The following TAF1A variants were observed in gnomAD, a reference collection of about 807,000 sequenced individuals.
The protein encoded by TAF1A is TATA-box binding protein associated factor, RNA polymerase I subunit A.
TAF1A carries 42 observed loss-of-function variants against 61.6 expected under a neutral mutation model. The ratio of observed to expected loss-of-function variants is 0.68; its 90% CI spans 0.53 to 0.88. The LOEUF is 0.88. TAF1A is among the 40% of genes least tolerant of loss of function. TAF1A has a pLI of 0.00. For missense variants in TAF1A, 424 were observed against 518.7 expected, an observed-to-expected ratio of 0.82 and a Z score of 1.77; for synonymous variants, 179 against 177.7, an observed-to-expected ratio of 1.01 and a Z score of -0.06.
intron 7 of TAF1A, among the ~76,000 whole-genome samples, chr1:222,566,289 C>T (rs73122837): frequency 0.13 from 20,007 of 152,174 alleles, 1,439 homozygotes; most frequent in Middle Eastern, 0.2. Flanking sequence ...CCACTTCACA[C>T]CCACTAGGAT....
At chr1:222,585,543 G>A (rs775682283) in intron 2 of TAF1A, among the ~76,000 whole-genome samples, 2 of 151,848 alleles carry the variant, frequency 1.3e-5, no homozygotes, top group African/African-American at 2.4e-5. Context: ...GACCTCCTGG[G>A]TTCAAGTGAT....
At chr1:222,557,897 T>G (rs988474698), downstream of TAF1A, 8 of 151,578 alleles carry the variant, frequency 5.3e-5, no homozygotes, top group Non-Finnish European at 8.8e-5. Flanking sequence ...TTTTTTTTTT[T>G]TTTTGAGACA....
At chr1:222,574,138 G>A (rs1390515416) in intron 5 of TAF1A, among the ~76,000 whole-genome samples, 1 of 151,954 alleles carries the variant, frequency 6.6e-6, no homozygotes, top group African/African-American at 2.4e-5. Flanking sequence ...GAGAGCACAG[G>A]GTTTCTTTTT....
chr1:222,566,494 G>A (rs1183527668), intron 7 of TAF1A, among the ~76,000 whole-genome samples: 1 of 152,174 alleles, frequency 6.6e-6, no homozygotes, highest in East Asian at 1.9e-4. Flanking sequence ...ATCAGTGAGA[G>A]CCCTTGTTTT....
intron 3 of TAF1A, among the ~76,000 whole-genome samples, chr1:222,583,516 A>G (rs1214470601): frequency 2.6e-5 from 4 of 152,096 alleles, no homozygotes; most frequent in Admixed American, 2.6e-4. Flanking sequence ...AGTATAGTCT[A>G]TGGGGGAAGT....
chr1:222,572,246 A>C (rs2102655279), intron 5 of TAF1A, among the ~76,000 whole-genome samples: 1 of 152,156 alleles, frequency 6.6e-6, no homozygotes, highest in African/African-American at 2.4e-5. Flanking sequence ...AAGTACTACA[A>C]AGCTGTAGTA....
At chr1:222,564,880 A>T (rs911650213) in intron 7 of TAF1A, among the ~76,000 whole-genome samples, 5 of 152,234 alleles carry the variant, frequency 3.3e-5, no homozygotes, top group Admixed American at 1.3e-4. Context: ...ATCAATCAAG[A>T]TCAATACACC....
At chr1:222,585,932 T>G (rs1660997660) in intron 2 of TAF1A, among the ~76,000 whole-genome samples, 1 of 152,234 alleles carries the variant, frequency 6.6e-6, no homozygotes, top group African/African-American at 2.4e-5. Flanking sequence ...CTGGAAATTT[T>G]ATCTCTTGCA....
intron 3 of TAF1A, among the ~76,000 whole-genome samples, chr1:222,580,506 T>A (rs1660744796): frequency 1.3e-5 from 2 of 152,136 alleles, no homozygotes; most frequent in South Asian, 4.1e-4. Context: ...AATACCAACT[T>A]CAAAGTAAAT....
At chr1:222,557,949 T>C (rs1433028125), downstream of TAF1A, 1 of 148,552 alleles carries the variant, frequency 6.7e-6, no homozygotes, top group Non-Finnish European at 1.5e-5. Context: ...GGTGGTGCAA[T>C]CTCGGCTCAC....
chr1:222,586,244 G>A (rs555362396), intron 2 of TAF1A, among the ~76,000 whole-genome samples: 1 of 152,110 alleles, frequency 6.6e-6, no homozygotes, highest in Non-Finnish European at 1.5e-5. Context: ...AAAGCTGCTC[G>A]GCATCAGTGG....
At chr1:222,578,567 G>A (rs780194669) in intron 4 of TAF1A, among the ~76,000 whole-genome samples, 1 of 152,180 alleles carries the variant, frequency 6.6e-6, no homozygotes, top group Non-Finnish European at 1.5e-5. Flanking sequence ...GCCATGCAGG[G>A]CTGCCCTTTC....
chr1:222,579,846 A>C lies in TAF1A; in HGVS notation c.318T>G (p.Ile106Met). Reference protein sequence around the residue: ...PEIIWKLGSEILFYHPKSNME... With the variant: ...PEIIWKLGSEMLFYHPKSNME... ...TGTTGCTTTTGGGATGATAAAATAG[A>C]ATTTCACTTCCGAGCTTCCAAATAA... The change falls in exon 4 of 11, where the codon ATT becomes ATG. Residue 106 changes from isoleucine (I) to methionine (M), a missense_variant. Ile to Met is a conservative substitution (Grantham distance 10). Coordinates refer to ENST00000352967, the MANE Select transcript of TAF1A (RefSeq NM_005681.4). The C allele has an allele frequency of 6.2e-7, 1 of 1,606,902 alleles. No individual in the cohort carries two copies.
At chr1:222,571,074 C>T (rs1190648941) in intron 5 of TAF1A, among the ~76,000 whole-genome samples, 1 of 152,024 alleles carries the variant, frequency 6.6e-6, no homozygotes, top group African/African-American at 2.4e-5. Context: ...TCAATTAATG[C>T]AAATAATAAA....
chr1:222,569,227 T>C, intron 7 of TAF1A: 1 of 1,228,436 alleles, frequency 8.1e-7, no homozygotes, highest in Non-Finnish European at 1.0e-6. Flanking sequence ...AAAACTAAAT[T>C]TCAATAAAGT....
chr1:222,577,777 T>G, intron 4 of TAF1A, 134 bp from the exon 5 acceptor site: 1 of 733,688 alleles, frequency 1.4e-6, no homozygotes, highest in East Asian at 2.6e-5. Context: ...AAAATTTTGA[T>G]GTTGGGTACA....
chr1:222,571,874 A>C (rs1286652398), intron 5 of TAF1A, among the ~76,000 whole-genome samples: 2 of 152,206 alleles, frequency 1.3e-5, no homozygotes, highest in Non-Finnish European at 2.9e-5. Context: ...AATGCAAGGG[A>C]CCAAAGAAGA....
intron 8 of TAF1A, among the ~76,000 whole-genome samples, chr1:222,563,621 A>T (rs1488769347): frequency 6.6e-6 from 1 of 152,236 alleles, no homozygotes; most frequent in African/African-American, 2.4e-5. Flanking sequence ...TTTCATATTC[A>T]GAGAGGAACC....
chr1:222,587,969 A>G (rs567431329), intron 2 of TAF1A, among the ~76,000 whole-genome samples: 3 of 151,960 alleles, frequency 2.0e-5, no homozygotes, highest in African/African-American at 7.2e-5. Flanking sequence ...AATCACTTGA[A>G]CCTGGGAGAC....
Sources: allele counts gnomAD v4.1 joint callset (sites outside exome capture counted in the v4.1 genomes callset), GRCh38; gene constraint gnomAD v4.1.1; transcripts MANE v1.5; gene names NCBI Gene and HGNC (gene_info 2026-07-23, HGNC 2026-07-21).